The following RALGAPA1 variants were observed in gnomAD, a reference collection of about 807,000 sequenced individuals.
RALGAPA1 encodes the protein ral GTPase-activating protein subunit alpha-1.
RALGAPA1 carries 52 observed loss-of-function variants against 269.6 expected under a neutral mutation model. The observed-to-expected ratio is 0.19, with a 90% confidence interval of 0.15 to 0.24. The LOEUF (loss-of-function observed/expected upper bound fraction) is 0.24. RALGAPA1 is among the 10% of genes least tolerant of loss of function. The pLI is 1.00. For missense variants in RALGAPA1, 1,917 were observed against 3,013.9 expected, an observed-to-expected ratio of 0.64 and a Z score of 8.52; for synonymous variants, 817 against 1,008.3, an observed-to-expected ratio of 0.81 and a Z score of 3.60.
chr14:35,641,275 T>C (rs1459414080), intron 31 of RALGAPA1, among the ~76,000 whole-genome samples: 3 of 152,162 alleles, frequency 2.0e-5, no homozygotes, highest in Non-Finnish European at 4.4e-5. Context: ...ATAAAGGGTA[T>C]GCAAATTGGA....
Position 35,689,584 on chromosome 14 carries a change from G to T in RALGAPA1, c.2827C>A (p.Leu943Met). 1 of 1,242,074 alleles carries T rather than the reference G, an allele frequency of 8.1e-7. No individual in the cohort carries two copies. The highest frequency in any genetic ancestry group is 1.0e-6 in the Non-Finnish European group (1 of 994,728). 76.9% of individuals were successfully genotyped at this position (1,242,074 alleles called of 1,614,324 possible). The change falls in exon 18 of 42, where the codon CTG (leucine) becomes ATG (methionine). Residue 943 changes from leucine (L) to methionine (M), a missense_variant. Leu to Met is a conservative substitution (Grantham distance 15). Coordinates refer to ENST00000680220, the MANE Select transcript of RALGAPA1 (RefSeq NM_001346249.2). ...TGGTTTTCCTTAAAATATTCTTTCAGGGTGGAAAGAAGATCATCATCTCCT... is the reference window on the plus strand; with the variant it reads ...TGGTTTTCCTTAAAATATTCTTTCATGGTGGAAAGAAGATCATCATCTCCT... ...LEGDDDLLST[L>M]KEYFKENQEN...
At chr14:35,686,503 C>T (rs2065947755) in intron 19 of RALGAPA1, 39 bp downstream of exon 19, 1 of 1,542,490 alleles carries the variant, frequency 6.5e-7, no homozygotes, top group Non-Finnish European at 8.7e-7. Context: ...AGTTTTTCTA[C>T]CCTCCTCTAT....
chr14:35,612,298 G>A (rs1278480616), intron 35 of RALGAPA1, among the ~76,000 whole-genome samples: 1 of 149,428 alleles, frequency 6.7e-6, no homozygotes, highest in Non-Finnish European at 1.5e-5. Flanking sequence ...TTGAGCCCAG[G>A]AAGTTGAGGT....
Position 35,747,907 on chromosome 14 carries a change from T to C in RALGAPA1, c.1251+678A>G, listed in dbSNP as rs190602209. 6.6e-5 allele frequency among the ~76,000 whole-genome samples: 10 copies of C among 152,172 alleles called. No individual in the cohort carries two copies. The South Asian group carries it at 8.3e-4, about 13-fold the overall frequency. ...GTTCTTTTATTTTCCCTTTTTTTTT[T>C]CTATACTTTCCTTAAGAAATATCTG... On this transcript the variant is annotated intron_variant, in intron 10 of 41. Transcript: ENST00000680220.
intron 1 of RALGAPA1, among the ~76,000 whole-genome samples, chr14:35,805,688 T>C (rs545373425): frequency 6.5e-4 from 97 of 150,106 alleles, no homozygotes; most frequent in African/African-American, 2.2e-3. Context: ...TTTTTCTTTT[T>C]TTTTTTTTTT....
At chr14:35,573,887 A>G (rs1036975135) in intron 37 of RALGAPA1, among the ~76,000 whole-genome samples, 3 of 152,186 alleles carry the variant, frequency 2.0e-5, no homozygotes, top group Admixed American at 6.5e-5. Flanking sequence ...AGCCATCCCC[A>G]TGTGTCAGCT....
intron 26 of RALGAPA1, among the ~76,000 whole-genome samples, chr14:35,670,031 C>T (rs941777153): frequency 6.6e-6 from 1 of 152,192 alleles, no homozygotes; most frequent in African/African-American, 2.4e-5. Flanking sequence ...CAGGGTTATA[C>T]AGCTATAAAT....
chr14:35,607,851 C>T (rs891571069), intron 35 of RALGAPA1, among the ~76,000 whole-genome samples: 1 of 152,076 alleles, frequency 6.6e-6, no homozygotes, highest in Non-Finnish European at 1.5e-5. Flanking sequence ...CAAGAAGGAC[C>T]CTTTGGGGAT....
At chr14:35,790,176 C>T (rs913742341) in intron 1 of RALGAPA1, among the ~76,000 whole-genome samples, 1 of 151,902 alleles carries the variant, frequency 6.6e-6, no homozygotes, top group African/African-American at 2.4e-5. Context: ...TAGCTTGAAC[C>T]CTGGAGGCAG....
At position 35,751,907 on chromosome 14, in the gene RALGAPA1, C is replaced by T. The variant is rs181309702; in HGVS notation, c.802+117G>A. The T allele has an allele frequency of 2.0e-4, 272 of 1,387,734 alleles. 1 individual carries two copies. In the East Asian group the frequency reaches 5.6e-3, roughly 29 times the overall value. 86.0% of individuals were successfully genotyped at this position (1,387,734 alleles called of 1,614,324 possible). A position where few individuals can be genotyped will look rare whatever the true frequency, so the allele number is the denominator to read the frequency against. ...ATGAATCTAGGTATCATATCTATAC[C>T]AACCAATACAAGTATTAAATATGAT... On this transcript the variant is annotated intron_variant, in intron 8 of 41. Transcript: ENST00000680220.
chr14:35,595,232 C>T (rs888789698), intron 37 of RALGAPA1, among the ~76,000 whole-genome samples: 8 of 151,758 alleles, frequency 5.3e-5, no homozygotes, highest in Admixed American at 1.3e-4. Flanking sequence ...AGAGATTTAA[C>T]GCACAATAAA....
At chr14:35,734,175 A>G (rs2070762156) in intron 12 of RALGAPA1, among the ~76,000 whole-genome samples, 1 of 152,162 alleles carries the variant, frequency 6.6e-6, no homozygotes, top group Non-Finnish European at 1.5e-5. Context: ...AAATGCCACT[A>G]TAATTCTTCA....
chr14:35,777,589 G>T (rs2075129457), intron 1 of RALGAPA1, among the ~76,000 whole-genome samples: 1 of 152,146 alleles, frequency 6.6e-6, no homozygotes, highest in Non-Finnish European at 1.5e-5. Flanking sequence ...TTGAGATGGT[G>T]TCTTGCTCTG....
chr14:35,696,328 C>T (rs1309052753), intron 17 of RALGAPA1, among the ~76,000 whole-genome samples: 1 of 152,046 alleles, frequency 6.6e-6, no homozygotes, highest in Non-Finnish European at 1.5e-5. Context: ...GCAGGGAAGT[C>T]AAGGCTGCAG....
intron 33 of RALGAPA1, among the ~76,000 whole-genome samples, chr14:35,630,160 C>T (rs113670117): frequency 0.057 from 8,744 of 152,208 alleles, 317 homozygotes; most frequent in Middle Eastern, 0.14. Context: ...TCTCCAATTC[C>T]AAAAAAGAAT....
intron 35 of RALGAPA1, among the ~76,000 whole-genome samples, chr14:35,610,028 A>G (rs1273459163): frequency 6.6e-6 from 1 of 151,738 alleles, no homozygotes; most frequent in Non-Finnish European, 1.5e-5. Context: ...TAAATAAAAT[A>G]GAAGAGAAAA....
chr14:35,767,339 A>G (rs927794001), intron 4 of RALGAPA1, among the ~76,000 whole-genome samples: 3 of 152,174 alleles, frequency 2.0e-5, no homozygotes, highest in Non-Finnish European at 2.9e-5. Context: ...TTAAATACCT[A>G]TATCAGAAAA....
At chr14:35,658,390 T>C (rs2063335174) in intron 28 of RALGAPA1, among the ~76,000 whole-genome samples, 1 of 152,178 alleles carries the variant, frequency 6.6e-6, no homozygotes, top group Non-Finnish European at 1.5e-5. Flanking sequence ...TTTTGAACTT[T>C]GGGTCAAAAA....
chr14:35,658,193 G>T (rs2063323967), intron 28 of RALGAPA1, among the ~76,000 whole-genome samples: 1 of 152,088 alleles, frequency 6.6e-6, no homozygotes, highest in Non-Finnish European at 1.5e-5. Context: ...TAGCGTAAAA[G>T]AACAATTTTC....
Sources: gnomAD v4.1 joint callset for allele counts (sites outside exome capture counted in the v4.1 genomes callset) on GRCh38, gnomAD v4.1.1 for gene constraint, MANE v1.5 for transcripts, NCBI Gene and HGNC (gene_info 2026-07-23, HGNC 2026-07-21) for gene names.